The following NFKB1 variants were observed in gnomAD, a reference collection of about 807,000 sequenced individuals.
NFKB1 encodes the protein nuclear factor NF-kappa-B p105 subunit.
A neutral mutation model predicts 105.1 loss-of-function variants in NFKB1; 9 were observed. The observed-to-expected ratio is 0.09, with a 90% confidence interval of 0.05 to 0.15. The LOEUF is 0.15. Ranked by LOEUF, NFKB1 falls within the 10% of genes least tolerant of loss-of-function variation. NFKB1 has a pLI of 1.00. For missense variants in NFKB1, 830 were observed against 1,203.7 expected, an observed-to-expected ratio of 0.69 and a Z score of 4.59; for synonymous variants, 440 against 442.2, an observed-to-expected ratio of 1.00 and a Z score of 0.06.
In NFKB1 at chr4:102,580,519, T is replaced by G; in HGVS notation, c.731-16T>G. The stretch of plus-strand genomic sequence containing the variant: ...AGGATTAATCATGTTATTTGTTGTT[T>G]TTCCCCTGTGAACAGAAGCCCCCAA... On this transcript the variant is annotated splice_polypyrimidine_tract_variant and intron_variant, in intron 8 of 23. Coordinates refer to ENST00000226574, the MANE Select transcript of NFKB1 (RefSeq NM_003998.4). 6.2e-7 allele frequency: 1 copy of G among 1,609,714 alleles called. No individual in the cohort carries two copies. Among genetic ancestry groups the G allele is most frequent in the East Asian group, 2.2e-5 (1 of 44,854 alleles).
chr4:102,547,627 A>G (rs1437576122), intron 5 of NFKB1, among the ~76,000 whole-genome samples: 1 of 152,210 alleles, frequency 6.6e-6, no homozygotes, highest in Non-Finnish European at 1.5e-5. Context: ...AGTACATGCC[A>G]CACAGTAAGC....
chr4:102,546,061 A>G (rs1309181492), intron 5 of NFKB1, among the ~76,000 whole-genome samples: 1 of 152,126 alleles, frequency 6.6e-6, no homozygotes, highest in Non-Finnish European at 1.5e-5. Context: ...TGAGGCCAGC[A>G]TGGGCAACAT....
chr4:102,616,543 CA>C lies in NFKB1; in HGVS notation c.2863del (p.Met955CysfsTer11). The C allele has an allele frequency of 6.2e-7, 1 of 1,614,116 alleles. No individual in the cohort carries two copies. Among genetic ancestry groups the C allele is most frequent in the Non-Finnish European group, 8.5e-7 (1 of 1,180,018 alleles). Reference protein sequence around the residue: ...TSGASLLTLNKMPHDYGQEGP... With the variant: ...TSGASLLTLNXMPHDYGQEGP... ...GTGGTGCCTCACTGCTAACTCTCAA[CA>C]AAATGCCCCATGATTATGGGCAGGA... On this transcript the variant is annotated frameshift_variant, in exon 24 of 24. Coordinates refer to ENST00000226574, the MANE Select transcript of NFKB1 (RefSeq NM_003998.4). LOFTEE classifies it high-confidence loss of function.
At chr4:102,517,941 A>T (rs903208091) in intron 1 of NFKB1, among the ~76,000 whole-genome samples, 1 of 152,186 alleles carries the variant, frequency 6.6e-6, no homozygotes, top group Non-Finnish European at 1.5e-5. Context: ...ACTTTATCTT[A>T]TAAGTAATAT....
At chr4:102,509,202 G>T (rs1739619947) in intron 1 of NFKB1, among the ~76,000 whole-genome samples, 1 of 152,138 alleles carries the variant, frequency 6.6e-6, no homozygotes, top group Non-Finnish European at 1.5e-5. Context: ...GTTAATTTGA[G>T]ATAATGTCTT....
chr4:102,575,303 C>T (rs1205483575), intron 6 of NFKB1, among the ~76,000 whole-genome samples: 1 of 152,116 alleles, frequency 6.6e-6, no homozygotes, highest in East Asian at 1.9e-4. Context: ...GTCTCTGGGC[C>T]TCTGGTATGA....
chr4:102,510,814 T>C, intron 1 of NFKB1: 1 of 397,706 alleles, frequency 2.5e-6, no homozygotes, highest in East Asian at 8.9e-5. Context: ...ATTATAACTA[T>C]ATTTGGAGGG....
At chr4:102,531,644 G>A (rs1448760742) in intron 3 of NFKB1, among the ~76,000 whole-genome samples, 1 of 152,012 alleles carries the variant, frequency 6.6e-6, no homozygotes, top group Non-Finnish European at 1.5e-5. Flanking sequence ...ACAGAAATGT[G>A]GCCAAAAGAA....
chr4:102,513,566 C>A (rs929013640), intron 1 of NFKB1, among the ~76,000 whole-genome samples: 3 of 152,016 alleles, frequency 2.0e-5, no homozygotes, highest in Admixed American at 6.6e-5. Context: ...TAAGAAAATC[C>A]CTGTCCCCCA....
intron 5 of NFKB1, among the ~76,000 whole-genome samples, chr4:102,545,484 A>G (rs564770761): frequency 6.6e-6 from 1 of 152,238 alleles, no homozygotes; most frequent in South Asian, 2.1e-4. Context: ...GAGGAAATTG[A>G]AGCCTAGAGA....
At chr4:102,525,220 TA>T (rs1740831485) in intron 1 of NFKB1, among the ~76,000 whole-genome samples, 1 of 151,874 alleles carries the variant, frequency 6.6e-6, no homozygotes. Flanking sequence ...TATGATTTTT[TA>T]TACAAAGCAT....
chr4:102,573,951 A>G (rs1038139341), intron 6 of NFKB1, among the ~76,000 whole-genome samples: 3 of 151,606 alleles, frequency 2.0e-5, no homozygotes, highest in Non-Finnish European at 2.9e-5. Flanking sequence ...TTCTGATCAT[A>G]TGGAATATAT....
At chr4:102,528,272 T>G (rs1741056718) in intron 2 of NFKB1, among the ~76,000 whole-genome samples, 1 of 152,140 alleles carries the variant, frequency 6.6e-6, no homozygotes, top group Non-Finnish European at 1.5e-5. Flanking sequence ...AAATCCTGTA[T>G]GAAATGAGGC....
At chr4:102,597,830 G>T (rs1482004665) in intron 15 of NFKB1, among the ~76,000 whole-genome samples, 169 bp downstream of exon 15, 1 of 152,228 alleles carries the variant, frequency 6.6e-6, no homozygotes, top group Non-Finnish European at 1.5e-5. Context: ...ACAATTTGCT[G>T]CTCCATCCTG....
At chr4:102,544,649 A>G (rs1009720691) in intron 5 of NFKB1, among the ~76,000 whole-genome samples, 1 of 152,166 alleles carries the variant, frequency 6.6e-6, no homozygotes, top group African/African-American at 2.4e-5. Flanking sequence ...GAAGTTTTGT[A>G]TTTTGTCCTA....
chr4:102,516,797 CGT>C (rs1740217989), intron 1 of NFKB1, among the ~76,000 whole-genome samples: 1 of 151,972 alleles, frequency 6.6e-6, no homozygotes, highest in African/African-American at 2.4e-5. Flanking sequence ...TCCTTTAAAA[CGT>C]GTTGAGCTTT....
intron 11 of NFKB1, 193 bp from the exon 12 acceptor site, chr4:102,593,232 A>G: frequency 1.9e-6 from 1 of 516,512 alleles, no homozygotes; most frequent in Non-Finnish European, 3.4e-6. Flanking sequence ...GTCTCTCTGG[A>G]GCTAACTTTC....
chr4:102,580,332 G>C (rs1725224653), intron 8 of NFKB1, among the ~76,000 whole-genome samples: 1 of 152,150 alleles, frequency 6.6e-6, no homozygotes, highest in African/African-American at 2.4e-5. Flanking sequence ...TACCTCATTT[G>C]TTTTGGTGAT....
rs748249744 is a variant in NFKB1 at position 102,613,482 on chromosome 4, G to A, written c.2650G>A (p.Glu884Lys). 29 of 1,613,862 alleles carry A rather than the reference G, an allele frequency of 1.8e-5. No homozygotes were observed. The highest frequency in any genetic ancestry group is 2.2e-5 in the East Asian group (1 of 44,886). The part of the protein sequence containing the change: ...VEALRQMGYT[E>K]AIEVIQAASS... Reference sequence around the variant, plus strand: ...GGCCCTGAGACAAATGGGCTACACCGAAGCAATTGAAGTGATCCAGGCAGC... The same window carrying A: ...GGCCCTGAGACAAATGGGCTACACCAAAGCAATTGAAGTGATCCAGGCAGC... The change falls in exon 23 of 24, where the codon GAA becomes AAA. Residue 884 changes from glutamate (E) to lysine (K), a missense_variant. Physicochemically the swap from Glu to Lys is moderately conservative, Grantham distance 56 (BLOSUM62 1). This residue lies in a region of NFKB1 where 418 missense variants were observed against 575.3 expected (regional missense o/e 0.73). Transcript: ENST00000226574.
Sources: gnomAD v4.1 joint callset for allele counts (sites outside exome capture counted in the v4.1 genomes callset) on GRCh38, gnomAD v4.1.1 for gene constraint, gnomAD v4.1.1 regional missense constraint, MANE v1.5 for transcripts, NCBI Gene and HGNC (gene_info 2026-07-23, HGNC 2026-07-21) for gene names.